MAP2: variants seen among roughly 807,000 people sequenced by gnomAD.
The protein encoded by MAP2 is microtubule associated protein 2.
A neutral mutation model predicts 137.6 loss-of-function variants in MAP2; 14 were observed. That is an observed-to-expected ratio of 0.10 (90% confidence interval 0.07 to 0.16). MAP2 has a LOEUF of 0.16. MAP2 is among the 10% of genes least tolerant of loss of function. The pLI, the probability that MAP2 is intolerant of heterozygous loss-of-function variation, is 1.00. For synonymous variants in MAP2, 786 were observed against 782.3 expected, an observed-to-expected ratio of 1.00 and a Z score of -0.08; for missense variants, 2,088 against 2,191.5, an observed-to-expected ratio of 0.95 and a Z score of 0.94.
intron 5 of MAP2, among the ~76,000 whole-genome samples, chr2:209,657,043 T>C (rs760827715): frequency 6.6e-6 from 1 of 152,214 alleles, no homozygotes; most frequent in Non-Finnish European, 1.5e-5. Flanking sequence ...ATTTTCTCTT[T>C]CTGAGTTATT....
At chr2:209,534,904 T>TAAA (rs1190900120) in intron 2 of MAP2, among the ~76,000 whole-genome samples, 8 of 152,206 alleles carry the variant, frequency 5.3e-5, no homozygotes, top group African/African-American at 1.9e-4. Context: ...ACAGCTTTAT[T>TAAA]GGGATATAAT....
intron 2 of MAP2, among the ~76,000 whole-genome samples, chr2:209,519,977 G>T (rs113323415): frequency 4.6e-5 from 7 of 151,928 alleles, no homozygotes; most frequent in African/African-American, 1.7e-4. Context: ...ATATAAAAAA[G>T]GTCTTAAATT....
intron 1 of MAP2, among the ~76,000 whole-genome samples, chr2:209,478,199 A>G (rs1707832892): frequency 6.6e-6 from 1 of 152,156 alleles, no homozygotes; most frequent in Admixed American, 6.5e-5. Flanking sequence ...AGAGAATGAC[A>G]TCAATTTTAG....
intron 5 of MAP2, among the ~76,000 whole-genome samples, chr2:209,656,472 T>C (rs763914727): frequency 2.0e-5 from 3 of 152,180 alleles, no homozygotes; most frequent in African/African-American, 7.2e-5. Context: ...ATCAGGCCAC[T>C]GCACTTCTGC....
chr2:209,561,353 A>G (rs2072032480), intron 2 of MAP2, among the ~76,000 whole-genome samples: 2 of 152,202 alleles, frequency 1.3e-5, no homozygotes, highest in Non-Finnish European at 1.5e-5. Context: ...TCACTTTTCA[A>G]TACTGAACAG....
At chr2:209,468,835 G>A (rs1360040562) in intron 1 of MAP2, among the ~76,000 whole-genome samples, 1 of 152,104 alleles carries the variant, frequency 6.6e-6, no homozygotes, top group East Asian at 1.9e-4. Flanking sequence ...CCCTTACTTA[G>A]TAGGTGAGGA....
intron 1 of MAP2, among the ~76,000 whole-genome samples, chr2:209,452,410 ATCAGTTTCCTTTC>A (rs1218281349): frequency 2.0e-5 from 3 of 152,144 alleles, no homozygotes; most frequent in African/African-American, 7.2e-5. Flanking sequence ...TTGAGCATAG[ATCAGTTTCCTTTC>A]ATCTAAACAC....
chr2:209,564,557 A>T (rs962905852), intron 2 of MAP2, among the ~76,000 whole-genome samples: 10 of 77,328 alleles, frequency 1.3e-4, no homozygotes, highest in South Asian at 6.2e-4. Context: ...TCTGTGGAGT[A>T]AAAAAAAAAA....
At chr2:209,476,733 C>T in intron 1 of MAP2, among the ~76,000 whole-genome samples, 1 of 152,180 alleles carries the variant, frequency 6.6e-6, no homozygotes, top group East Asian at 1.9e-4. Flanking sequence ...TAACCCATCA[C>T]CTAAATATTG....
intron 2 of MAP2, among the ~76,000 whole-genome samples, chr2:209,526,394 A>G (rs1302533580): frequency 1.3e-5 from 2 of 151,976 alleles, no homozygotes; most frequent in Non-Finnish European, 2.9e-5. Flanking sequence ...TCCAATTTAA[A>G]GAATATAAAA....
intron 2 of MAP2, among the ~76,000 whole-genome samples, chr2:209,521,912 CTTCATA>C (rs2063340154): frequency 6.6e-6 from 1 of 151,942 alleles, no homozygotes; most frequent in African/African-American, 2.4e-5. Context: ...TTTTGTAAGA[CTTCATA>C]TTAATTAAAT....
At chr2:209,709,733 C>T (rs902543790) in intron 12 of MAP2, among the ~76,000 whole-genome samples, 181 bp from the exon 13 acceptor site, 13 of 152,160 alleles carry the variant, frequency 8.5e-5, no homozygotes, top group African/African-American at 2.7e-4. Context: ...AAGAATGCCA[C>T]CGGGTTATGC....
chr2:209,569,237 G>T (rs778503543), intron 2 of MAP2, among the ~76,000 whole-genome samples: 2 of 151,878 alleles, frequency 1.3e-5, no homozygotes, highest in Admixed American at 6.5e-5. Context: ...TTTATCTCAT[G>T]ATTTCTGAAA....
At chr2:209,575,157 G>A (rs1164009388) in intron 2 of MAP2, among the ~76,000 whole-genome samples, 1 of 152,240 alleles carries the variant, frequency 6.6e-6, no homozygotes, top group South Asian at 2.1e-4. Flanking sequence ...AAGAGAGTAG[G>A]AGACAAGTCT....
rs1695946510 is a variant in MAP2 at position 209,435,972 on chromosome 2, T to TAATATATACAGTATATATTATATAC, written c.-222+11697_-222+11721dup. ...CTATATATACAGTATATATTATATA[T>TAATATATACAGTATATATTATATAC]AATATATACAGTATATATTATATAC... On this transcript the variant is annotated intron_variant, in intron 1 of 15. Transcript: ENST00000682079. Among the ~76,000 whole-genome samples the TAATATATACAGTATATATTATATAC allele has an allele frequency of 1.6e-5, 2 of 126,648 alleles. 1 individual carries two copies. The highest frequency in any genetic ancestry group is 4.1e-4 in the East Asian group (2 of 4,886). 83.1% of individuals were successfully genotyped at this position (126,648 alleles called of 152,430 possible).
At chr2:209,723,086 C>T (rs999165643) in intron 13 of MAP2, among the ~76,000 whole-genome samples, 6 of 152,178 alleles carry the variant, frequency 3.9e-5, no homozygotes, top group African/African-American at 1.2e-4. Context: ...TGATGTAGAG[C>T]ATTCACCATG....
intron 2 of MAP2, among the ~76,000 whole-genome samples, chr2:209,533,117 T>C (rs1399042966): frequency 2.0e-5 from 3 of 152,072 alleles, no homozygotes; most frequent in Admixed American, 1.3e-4. Context: ...AGCCAAGGTA[T>C]GTTTTTATTA....
intron 1 of MAP2, among the ~76,000 whole-genome samples, chr2:209,506,516 AGATGCTCCCTGTGGC>A (rs1213299579): frequency 6.6e-6 from 1 of 152,174 alleles, no homozygotes; most frequent in East Asian, 1.9e-4. Context: ...AGACTGCCAT[AGATGCTCCCTGTGGC>A]GAGTTGAGTC....
intron 3 of MAP2, among the ~76,000 whole-genome samples, chr2:209,616,946 C>T (rs750239668): frequency 3.9e-5 from 6 of 152,144 alleles, no homozygotes; most frequent in Non-Finnish European, 7.4e-5. Context: ...CGGGGGGACC[C>T]AGCAAGACCT....
Sources: gnomAD v4.1 joint callset for allele counts (sites outside exome capture counted in the v4.1 genomes callset) on GRCh38, gnomAD v4.1.1 for gene constraint, MANE v1.5 for transcripts, NCBI Gene and HGNC (gene_info 2026-07-23, HGNC 2026-07-21) for gene names.